The following PCDH9 variants were observed in gnomAD, a reference collection of about 807,000 sequenced individuals.
PCDH9 encodes the protein protocadherin 9.
In PCDH9, 24 loss-of-function variants were observed where a neutral mutation model predicts 70.6. That is an observed-to-expected ratio of 0.34 (90% CI 0.25 to 0.48). The LOEUF (loss-of-function observed/expected upper bound fraction) is 0.48. PCDH9 is among the 20% of genes least tolerant of loss of function. The pLI, the probability that PCDH9 is intolerant of heterozygous loss-of-function variation, is 0.99. For synonymous variants in PCDH9, 562 were observed against 558.5 expected (o/e 1.01, Z -0.09); for missense variants, 1,281 against 1,503.6 (o/e 0.85, Z 2.45).
At chr13:66,627,954 AT>A (rs1293034839) in intron 4 of PCDH9, among the ~76,000 whole-genome samples, 4 of 152,190 alleles carry the variant, frequency 2.6e-5, no homozygotes, top group Non-Finnish European at 5.9e-5. Context: ...ATTGGACAAT[AT>A]TTTGGCCTGG....
At chr13:66,779,849 CTA>C (rs1185055569) in intron 3 of PCDH9, among the ~76,000 whole-genome samples, 9 of 78,908 alleles carry the variant, frequency 1.1e-4, no homozygotes, top group African/African-American at 2.6e-4. Context: ...CTCTCTCTCT[CTA>C]TATATATATA....
At chr13:66,630,708 T>A (rs2077559164) in intron 4 of PCDH9, 1 of 5,064 alleles carries the variant, frequency 2.0e-4, no homozygotes. Flanking sequence ...ATTTAATCCT[T>A]TTTTTTTTAA....
chr13:67,090,315 A>G (rs911527572), intron 2 of PCDH9, among the ~76,000 whole-genome samples: 2 of 152,050 alleles, frequency 1.3e-5, no homozygotes, highest in African/African-American at 2.4e-5. Flanking sequence ...AAAAGCTTCC[A>G]AGTGATACTA....
At position 66,794,604 on chromosome 13, in the gene PCDH9, A is replaced by G. The variant is rs533131266; in HGVS notation, c.3138+108900T>C. ...TCACCCAACCTCCACCTAAGGCTTT[A>G]ACAATCTCTGTGGATTAAAGTTCAG... On this transcript the variant is annotated intron_variant, in intron 3 of 4. Transcript: ENST00000377865. Among the ~76,000 whole-genome samples, 5 of 152,128 alleles carry G rather than the reference A, an allele frequency of 3.3e-5. No individual in the cohort carries two copies. In the South Asian group the frequency reaches 6.2e-4, roughly 19 times the overall value.
At chr13:66,547,007 C>A (rs1961237762) in intron 4 of PCDH9, among the ~76,000 whole-genome samples, 2 of 152,144 alleles carry the variant, frequency 1.3e-5, no homozygotes, top group Admixed American at 1.3e-4. Flanking sequence ...TTATGATGTT[C>A]ACACAACTAT....
intron 2 of PCDH9, among the ~76,000 whole-genome samples, chr13:67,196,378 G>A (rs1479307043): frequency 1.3e-5 from 2 of 151,960 alleles, no homozygotes; most frequent in Admixed American, 6.6e-5. Flanking sequence ...ACATAAATGT[G>A]TATTGATTAT....
chr13:66,511,404 T>TA (rs1276278399), intron 4 of PCDH9, among the ~76,000 whole-genome samples: 11 of 152,188 alleles, frequency 7.2e-5, no homozygotes, highest in East Asian at 3.9e-4. Context: ...AAATGTAGAT[T>TA]AAAAAAATCA....
chr13:66,648,717 T>TA (rs1005900935), intron 3 of PCDH9, among the ~76,000 whole-genome samples: 20 of 151,108 alleles, frequency 1.3e-4, no homozygotes, highest in African/African-American at 3.6e-4. Context: ...CTCACCTCAC[T>TA]AAAAAAAACT....
intron 4 of PCDH9, among the ~76,000 whole-genome samples, chr13:66,418,184 T>G (rs551441395): frequency 7.2e-5 from 11 of 152,226 alleles, no homozygotes; most frequent in African/African-American, 9.6e-5. Flanking sequence ...ATTTTTTGTA[T>G]AAGGTCTAAG....
At chr13:66,861,644 T>C (rs1362068225) in intron 3 of PCDH9, among the ~76,000 whole-genome samples, 2 of 152,152 alleles carry the variant, frequency 1.3e-5, no homozygotes, top group Admixed American at 1.3e-4. Context: ...AGTCAAAGGC[T>C]ATTCCACTCT....
intron 3 of PCDH9, among the ~76,000 whole-genome samples, chr13:66,658,727 T>C (rs2077965419): frequency 6.6e-6 from 1 of 152,176 alleles, no homozygotes; most frequent in Non-Finnish European, 1.5e-5. Flanking sequence ...ATTATTTTCT[T>C]AATGGTATAT....
chr13:66,432,924 T>C (rs1268681121), intron 4 of PCDH9, among the ~76,000 whole-genome samples: 1 of 152,016 alleles, frequency 6.6e-6, no homozygotes, highest in African/African-American at 2.4e-5. Context: ...AGACTGTGCA[T>C]ACCAGAAAAA....
chr13:66,845,057 C>T (rs1317406689), intron 3 of PCDH9, among the ~76,000 whole-genome samples: 1 of 151,868 alleles, frequency 6.6e-6, no homozygotes, highest in Admixed American at 6.6e-5. Context: ...CATGGGTGGG[C>T]CTGAAAAAAG....
intron 2 of PCDH9, among the ~76,000 whole-genome samples, chr13:66,909,451 T>C (rs141320851): frequency 7.9e-5 from 12 of 151,554 alleles, no homozygotes; most frequent in African/African-American, 2.4e-4. Flanking sequence ...AAAAAACATA[T>C]CCTTTTAAAA....
At chr13:66,706,959 A>T (rs989627450) in intron 3 of PCDH9, among the ~76,000 whole-genome samples, 1 of 152,206 alleles carries the variant, frequency 6.6e-6, no homozygotes, top group African/African-American at 2.4e-5. Flanking sequence ...TTAGGAATAC[A>T]GATGTAGGGA....
rs1264265198 is a variant in PCDH9, at chr13:66,726,090, G to T, written c.3139-94679C>A. Reference sequence around the variant, plus strand: ...TTGCCAATCTATTTCTATTTTTTTAGATTTAAAAATGTTTTACAAGTTTTC... The same window carrying T: ...TTGCCAATCTATTTCTATTTTTTTATATTTAAAAATGTTTTACAAGTTTTC... On this transcript the variant is annotated intron_variant, in intron 3 of 4. Transcript: ENST00000377865. 2.0e-5 allele frequency among the ~76,000 whole-genome samples: 3 copies of T among 152,162 alleles called. No individual in the cohort carries two copies. The East Asian group carries it at 5.8e-4, about 29-fold the overall frequency.
At chr13:66,757,868 G>A (rs1442013) in intron 3 of PCDH9, among the ~76,000 whole-genome samples, 56,587 of 151,750 alleles carry the variant, frequency 0.37, 10,829 homozygotes, top group East Asian at 0.57. Flanking sequence ...AGATCTTCCA[G>A]TTTTTTATGA....
chr13:66,934,011 T>C (rs1594279724), intron 2 of PCDH9, among the ~76,000 whole-genome samples: 1 of 151,974 alleles, frequency 6.6e-6, no homozygotes, highest in East Asian at 1.9e-4. Context: ...TTTTTCAATG[T>C]CGGCATTTAT....
chr13:66,944,077 TTAAG>T (rs1467758552), intron 2 of PCDH9, among the ~76,000 whole-genome samples: 2 of 152,166 alleles, frequency 1.3e-5, no homozygotes, highest in Non-Finnish European at 2.9e-5. Flanking sequence ...TTGAGAATCA[TTAAG>T]TAATTTATCA....
Sources: allele counts gnomAD v4.1 joint callset (sites outside exome capture counted in the v4.1 genomes callset), GRCh38; gene constraint gnomAD v4.1.1; transcripts MANE v1.5; gene names NCBI Gene and HGNC (gene_info 2026-07-23, HGNC 2026-07-21).